Variants in EPS8 observed in about 807,000 individuals in gnomAD.
EPS8 encodes EGFR pathway substrate 8, signaling adaptor, also known as epidermal growth factor receptor kinase substrate 8.
EPS8 carries 42 observed loss-of-function variants against 103.8 expected under a neutral mutation model. The ratio of observed to expected loss-of-function variants is 0.40; its 90% CI spans 0.32 to 0.52. The LOEUF (loss-of-function observed/expected upper bound fraction) is 0.52, where lower values mean the gene tolerates loss of function less well. EPS8 is among the 20% of genes least tolerant of loss of function. The probability of loss-of-function intolerance (pLI) is 0.40; values close to 1 mark genes in which losing one functional copy is unlikely to be tolerated. For missense variants in EPS8, 969 were observed against 1,005.1 expected, an observed-to-expected ratio of 0.96 and a Z score of 0.49; for synonymous variants, 344 against 344.6, an observed-to-expected ratio of 1.00 and a Z score of 0.02.
chr12:15,736,427 C>T lies in EPS8; in HGVS notation c.-22+52734G>A, dbSNP rs1037472249. ...AAAAATCACTTGCCTGGAGGCCACA[C>T]ATATATGACAACCTCAGCAATGTCA... On this transcript the variant is annotated intron_variant, in intron 1 of 20. Transcript: ENST00000281172. The surrounding 1 kb of genome is among the most constrained non-coding windows in gnomAD (Gnocchi z 4.2). 2.0e-5 allele frequency among the ~76,000 whole-genome samples: 3 copies of T among 152,136 alleles called. No individual in the cohort carries two copies. The highest frequency in any genetic ancestry group is 4.4e-5 in the Non-Finnish European group (3 of 68,028).
At chr12:15,681,372 T>C (rs1946003553) in intron 2 of EPS8, 70 bp from the exon 3 acceptor site, 2 of 610,588 alleles carry the variant, frequency 3.3e-6, no homozygotes, top group Non-Finnish European at 4.8e-6. Context: ...AAGTCCAATA[T>C]AAGTAACAGA....
At chr12:15,644,701 A>G (rs2135767409) in intron 15 of EPS8, among the ~76,000 whole-genome samples, 2 of 151,648 alleles carry the variant, frequency 1.3e-5, no homozygotes, top group East Asian at 3.9e-4. Flanking sequence ...CTGTCTCAAA[A>G]AAAAAAAAAA....
At chr12:15,708,222 A>G (rs539963731) in intron 1 of EPS8, among the ~76,000 whole-genome samples, 35 of 152,328 alleles carry the variant, frequency 2.3e-4, no homozygotes, top group African/African-American at 8.4e-4. Context: ...GTTATTGACC[A>G]TGGGCAAGTT....
chr12:15,719,186 T>C (rs557486357), intron 1 of EPS8, among the ~76,000 whole-genome samples: 4 of 151,984 alleles, frequency 2.6e-5, no homozygotes, highest in African/African-American at 9.7e-5. Context: ...ATCATATATA[T>C]GTATATATAA....
chr12:15,659,768 T>A (rs1157237498), intron 10 of EPS8, among the ~76,000 whole-genome samples: 4 of 152,224 alleles, frequency 2.6e-5, no homozygotes, highest in African/African-American at 9.6e-5. Context: ...ACTTCCATAA[T>A]TTTAATTTTA....
At chr12:15,744,884 A>T (rs1050380493) in intron 1 of EPS8, among the ~76,000 whole-genome samples, 20 of 150,194 alleles carry the variant, frequency 1.3e-4, no homozygotes, top group African/African-American at 4.4e-4. Flanking sequence ...TATTACTATT[A>T]TTTTTTTTTT....
At chr12:15,623,806 G>C (rs1944899650) in intron 19 of EPS8, among the ~76,000 whole-genome samples, 1 of 152,136 alleles carries the variant, frequency 6.6e-6, no homozygotes, top group South Asian at 2.1e-4. Flanking sequence ...ATTGATGCTA[G>C]GTAACACTAT....
chr12:15,786,974 G>A (rs182496297), intron 1 of EPS8, among the ~76,000 whole-genome samples: 9 of 152,108 alleles, frequency 5.9e-5, no homozygotes, highest in Admixed American at 5.9e-4. Context: ...ATGTTGTTTT[G>A]TGATGATCCG....
intron 17 of EPS8, among the ~76,000 whole-genome samples, chr12:15,634,545 A>T (rs766688936): frequency 5.7e-4 from 87 of 152,316 alleles, no homozygotes; most frequent in Non-Finnish European, 4.4e-4. Context: ...AGCGCAACAA[A>T]GCCATTAAAA....
intron 11 of EPS8, 118 bp downstream of exon 11, chr12:15,658,379 C>T (rs748624074): frequency 2.6e-6 from 2 of 778,538 alleles, no homozygotes; most frequent in African/African-American, 3.5e-5. Flanking sequence ...AAAACATACA[C>T]ACCCCCACAA....
rs74518545 is a variant in EPS8, at chr12:15,715,817, C to T, written c.-21-32845G>A. Among the ~76,000 whole-genome samples, 686 of 151,912 alleles carry T rather than the reference C, an allele frequency of 4.5e-3. 3 individuals are homozygous for T. The highest frequency in any genetic ancestry group is 0.015 in the African/African-American group (638 of 41,406). The stretch of plus-strand genomic sequence containing the variant: ...AAGAACACTTTCTAATAAACTTTCC[C>T]GAACACTAATTTCCATCTCAAAATC... On this transcript the variant is annotated intron_variant, in intron 1 of 20. Coordinates refer to ENST00000281172, the MANE Select transcript of EPS8 (RefSeq NM_004447.6).
chr12:15,658,036 A>G (rs960792516), intron 12 of EPS8, 43 bp downstream of exon 12: 1 of 1,269,532 alleles, frequency 7.9e-7, no homozygotes, highest in African/African-American at 1.5e-5. Flanking sequence ...GGGGTTAAAA[A>G]ATATACTAAG....
In EPS8 at chr12:15,747,864, C is replaced by G. The variant is rs1375880087; in HGVS notation, c.-22+41297G>C. On this transcript the variant is annotated intron_variant, in intron 1 of 20. Transcript: ENST00000281172. The surrounding 1 kb of genome is among the most constrained non-coding windows in gnomAD (Gnocchi z 4.4). ...TGAAACCCCGTCTCTACTAAAAATA[C>G]AAAGAATTAGCCGGACGTGGTGGCA... 6.6e-6 allele frequency among the ~76,000 whole-genome samples: 1 copy of G among 152,040 alleles called. No homozygotes were observed. Among genetic ancestry groups the G allele is most frequent in the African/African-American group, 2.4e-5 (1 of 41,386 alleles).
chr12:15,747,673 C>A lies in EPS8; in HGVS notation c.-22+41488G>T, dbSNP rs1208967917. On this transcript the variant is annotated intron_variant, in intron 1 of 20. Coordinates refer to ENST00000281172, the MANE Select transcript of EPS8 (RefSeq NM_004447.6). The surrounding 1 kb of genome is among the most constrained non-coding windows in gnomAD (Gnocchi z 4.4). ...TGATCCAGAGATATTATCCTATTCT[C>A]CAGAATCTTCAGTGACTTGATTTCA... Among the ~76,000 whole-genome samples, 1 of 152,104 alleles carries A rather than the reference C, an allele frequency of 6.6e-6. No homozygotes were observed. Among genetic ancestry groups the A allele is most frequent in the Non-Finnish European group, 1.5e-5 (1 of 68,028 alleles).
chr12:15,641,566 A>G (rs1217428664), intron 16 of EPS8, among the ~76,000 whole-genome samples, 156 bp downstream of exon 16: 1 of 152,132 alleles, frequency 6.6e-6, no homozygotes, highest in Non-Finnish European at 1.5e-5. Flanking sequence ...CCTTAGAAGG[A>G]GTATCTATAT....
At chr12:15,655,666 A>G (rs1214696814) in intron 12 of EPS8, among the ~76,000 whole-genome samples, 1 of 152,250 alleles carries the variant, frequency 6.6e-6, no homozygotes, top group Non-Finnish European at 1.5e-5. Flanking sequence ...GAGTAGAGGA[A>G]TATAAAAATA....
At chr12:15,692,788 AC>A (rs1446572367) in intron 1 of EPS8, among the ~76,000 whole-genome samples, 1 of 151,810 alleles carries the variant, frequency 6.6e-6, no homozygotes, top group African/African-American at 2.4e-5. Flanking sequence ...TATTCAAAAA[AC>A]ATTTTGAGTT....
rs1946392156 is a variant in EPS8 at position 15,706,756 on chromosome 12, A to G, written c.-21-23784T>C. 6.6e-6 allele frequency among the ~76,000 whole-genome samples: 1 copy of G among 152,112 alleles called. No individual in the cohort carries two copies. Among genetic ancestry groups the G allele is most frequent in the Non-Finnish European group, 1.5e-5 (1 of 68,010 alleles). On this transcript the variant is annotated intron_variant, in intron 1 of 20. Coordinates refer to ENST00000281172, the MANE Select transcript of EPS8 (RefSeq NM_004447.6). This position sits in a 1 kb window ranked among gnomAD's most constrained non-coding sequence, Gnocchi z 5.2. ...TTATGTTTTTTTTTACAACTTATCC[A>G]AAGATATTCTTCCTTGGGCAAATTT...
intron 1 of EPS8, among the ~76,000 whole-genome samples, chr12:15,724,553 CT>C (rs1946632337): frequency 6.6e-6 from 1 of 152,120 alleles, no homozygotes; most frequent in Non-Finnish European, 1.5e-5. Context: ...ACTTTTAAAA[CT>C]TTTCAATCTC....
Sources: allele counts gnomAD v4.1 joint callset (sites outside exome capture counted in the v4.1 genomes callset), GRCh38; gene constraint gnomAD v4.1.1; non-coding constraint Gnocchi (gnomAD v3.1); transcripts MANE v1.5; gene names NCBI Gene and HGNC (gene_info 2026-07-23, HGNC 2026-07-21).